The following TP63 variants were observed in gnomAD, a reference collection of about 807,000 sequenced individuals.
The protein encoded by TP63 is tumor protein 63.
In TP63, 17 loss-of-function variants were observed where a neutral mutation model predicts 82.8. The observed-to-expected ratio is 0.21, with a 90% CI of 0.14 to 0.31. The LOEUF (loss-of-function observed/expected upper bound fraction) is 0.31, where lower values mean the gene tolerates loss of function less well. Ranked by LOEUF, TP63 falls within the 10% of genes least tolerant of loss-of-function variation. The pLI, the probability that TP63 is intolerant of heterozygous loss-of-function variation, is 1.00. For synonymous variants in TP63, 330 were observed against 321.7 expected (o/e 1.03, Z -0.28); for missense variants, 648 against 895.3 (o/e 0.72, Z 3.52).
chr3:189,716,601 C>G (rs1718976025), intron 1 of TP63, among the ~76,000 whole-genome samples: 1 of 152,132 alleles, frequency 6.6e-6, no homozygotes, highest in East Asian at 1.9e-4. Context: ...AGTTCTTACT[C>G]GGAAAGGACT....
At chr3:189,665,566 A>T (rs1714309665) in intron 1 of TP63, among the ~76,000 whole-genome samples, 1 of 152,120 alleles carries the variant, frequency 6.6e-6, no homozygotes, top group Non-Finnish European at 1.5e-5. Flanking sequence ...GGCAAAACCT[A>T]ACATGCAGAG....
In TP63 at chr3:189,642,964, A is replaced by AGG. The variant is rs1228759487; in HGVS notation, c.62+11387_62+11388insGG. Reference sequence around the variant, plus strand: ...AAGTATCACTCACACCCTTAACTTAATTCCAGACAGCCAAATTTATTTATT... The same window carrying AGG: ...AAGTATCACTCACACCCTTAACTTAAGGTTCCAGACAGCCAAATTTATTTATT... On this transcript the variant is annotated intron_variant, in intron 1 of 13. Coordinates refer to ENST00000264731, the MANE Select transcript of TP63 (RefSeq NM_003722.5). Among the ~76,000 whole-genome samples the AGG allele has an allele frequency of 2.2e-5, 3 of 136,758 alleles. No homozygotes were observed. The Admixed American group carries it at 2.4e-4, about 11-fold the overall frequency. 89.7% of individuals were successfully genotyped at this position (136,758 alleles called of 152,430 possible).
At chr3:189,828,047 C>T (rs2108692126) in intron 4 of TP63, among the ~76,000 whole-genome samples, 1 of 152,168 alleles carries the variant, frequency 6.6e-6, no homozygotes, top group African/African-American at 2.4e-5. Flanking sequence ...TCAAGACCAG[C>T]CTGGCTGATA....
At chr3:189,623,945 A>G in the TP63 span, among the ~76,000 whole-genome samples, 6 of 152,304 alleles carry the variant, frequency 3.9e-5, no homozygotes, top group African/African-American at 1.2e-4. Flanking sequence ...ATAAATAAAT[A>G]TAAGTCCTCT....
At chr3:189,772,157 C>A (rs1048842312) in intron 3 of TP63, among the ~76,000 whole-genome samples, 1 of 152,186 alleles carries the variant, frequency 6.6e-6, no homozygotes, top group Admixed American at 6.5e-5. Context: ...TCTTCCCAAG[C>A]ATAACAACTA....
At chr3:189,893,413 G>A (rs1248809004) in intron 13 of TP63, among the ~76,000 whole-genome samples, 1 of 152,166 alleles carries the variant, frequency 6.6e-6, no homozygotes, top group Non-Finnish European at 1.5e-5. Context: ...TCTGCCCTGT[G>A]AAAATATGAG....
chr3:189,667,307 T>A (rs549382251), intron 1 of TP63, among the ~76,000 whole-genome samples: 3 of 151,854 alleles, frequency 2.0e-5, no homozygotes, highest in East Asian at 3.9e-4. Flanking sequence ...CCCGAGTAGC[T>A]GGGATTATAG....
chr3:189,664,517 C>A (rs1714209854), intron 1 of TP63, among the ~76,000 whole-genome samples: 1 of 152,092 alleles, frequency 6.6e-6, no homozygotes, highest in Non-Finnish European at 1.5e-5. Flanking sequence ...CCACAGGAAC[C>A]AGAGCCTGAG....
intron 1 of TP63, among the ~76,000 whole-genome samples, chr3:189,698,972 T>A (rs1717601346): frequency 6.6e-6 from 1 of 152,172 alleles, no homozygotes; most frequent in Non-Finnish European, 1.5e-5. Flanking sequence ...TGCAAGTATA[T>A]TGAGTTAAGC....
chr3:189,813,230 C>T (rs1727769344), intron 4 of TP63, among the ~76,000 whole-genome samples: 1 of 152,160 alleles, frequency 6.6e-6, no homozygotes, highest in Non-Finnish European at 1.5e-5. Context: ...TGTATAATGA[C>T]AAACTACTGG....
intron 1 of TP63, among the ~76,000 whole-genome samples, chr3:189,649,193 T>C (rs989849040): frequency 1.4e-5 from 2 of 146,048 alleles, no homozygotes; most frequent in Non-Finnish European, 3.0e-5. Flanking sequence ...ACAGAGAAAA[T>C]GAAAGGGTTG....
At chr3:189,749,323 A>G (rs1721619736) in intron 3 of TP63, among the ~76,000 whole-genome samples, 1 of 152,188 alleles carries the variant, frequency 6.6e-6, no homozygotes, top group Non-Finnish European at 1.5e-5. Context: ...TATATGAGGA[A>G]CTCAAGTCAA....
chr3:189,795,724 C>G (rs1309426176), intron 3 of TP63, among the ~76,000 whole-genome samples: 2 of 151,984 alleles, frequency 1.3e-5, no homozygotes, highest in African/African-American at 4.8e-5. Context: ...ATTGATCTCA[C>G]TAAGAGCGGA....
At chr3:189,624,345 G>A in the TP63 span, among the ~76,000 whole-genome samples, 2 of 152,026 alleles carry the variant, frequency 1.3e-5, no homozygotes, top group African/African-American at 4.8e-5. Flanking sequence ...CATATGTGTG[G>A]TTTTTAATGT....
At chr3:189,734,048 TTCTC>T (rs894720758) in intron 1 of TP63, among the ~76,000 whole-genome samples, 3 of 151,892 alleles carry the variant, frequency 2.0e-5, no homozygotes, top group Non-Finnish European at 2.9e-5. Flanking sequence ...TTCTTTTTCT[TTCTC>T]TCTTTCTTTT....
intron 3 of TP63, among the ~76,000 whole-genome samples, chr3:189,782,233 T>C (rs1361736940): frequency 6.6e-6 from 1 of 152,188 alleles, no homozygotes; most frequent in Admixed American, 6.6e-5. Context: ...AGTGATGTGT[T>C]ATGCAGTGAA....
chr3:189,628,498 G>A (rs1729367949), upstream of TP63, among the ~76,000 whole-genome samples: 1 of 152,112 alleles, frequency 6.6e-6, no homozygotes, highest in Non-Finnish European at 1.5e-5. Context: ...GTTATGCTCA[G>A]TGGTCCAAGT....
At chr3:189,646,004 G>A (rs1371795320) in intron 1 of TP63, among the ~76,000 whole-genome samples, 1 of 146,886 alleles carries the variant, frequency 6.8e-6, no homozygotes, top group Non-Finnish European at 1.5e-5. Flanking sequence ...TTTCCTTTGG[G>A]TAAGAATCTG....
the TP63 span, among the ~76,000 whole-genome samples, chr3:189,625,306 A>G: frequency 2.0e-5 from 3 of 152,194 alleles, no homozygotes; most frequent in African/African-American, 7.2e-5. Context: ...TGAGATGGAC[A>G]CGGCATCACT....
Sources: allele counts gnomAD v4.1 joint callset (sites outside exome capture counted in the v4.1 genomes callset), GRCh38; gene constraint gnomAD v4.1.1; transcripts MANE v1.5; gene names NCBI Gene and HGNC (gene_info 2026-07-23, HGNC 2026-07-21).